The following DRC11 variants were observed in gnomAD, a reference collection of about 807,000 sequenced individuals.
DRC11 encodes the protein IQ and AAA domain-containing protein 1.
the DRC11 span, chr2:236,407,717 T>C: frequency 5.2e-5 from 14 of 269,578 alleles, no homozygotes; most frequent in African/African-American, 3.1e-4. Context: ...CCCCCTGTGA[T>C]CCTCTCTCTC....
chr2:236,422,784 C>T, the DRC11 span, among the ~76,000 whole-genome samples: 5 of 152,106 alleles, frequency 3.3e-5, no homozygotes, highest in Admixed American at 1.3e-4. Context: ...AGGCACCACA[C>T]TACCTGACTT....
the DRC11 span, among the ~76,000 whole-genome samples, chr2:236,404,133 A>C: frequency 6.7e-6 from 1 of 150,362 alleles, no homozygotes; most frequent in African/African-American, 2.5e-5. Context: ...CTGTCAGACA[A>C]CTTTTTTGAC....
chr2:236,488,329 A>T, the DRC11 span: 1 of 535,466 alleles, frequency 1.9e-6, no homozygotes, highest in African/African-American at 2.0e-5. Context: ...GAACCGCTGA[A>T]CACTGTTCAT....
the DRC11 span, among the ~76,000 whole-genome samples, chr2:236,329,320 T>C: frequency 1.3e-5 from 2 of 152,226 alleles, no homozygotes; most frequent in Non-Finnish European, 1.5e-5. Context: ...TGAGGGGCCA[T>C]TATCCGGCCT....
chr2:236,393,957 CTGA>C, the DRC11 span, among the ~76,000 whole-genome samples: 32 of 152,044 alleles, frequency 2.1e-4, no homozygotes, highest in African/African-American at 7.2e-4. This position sits in a 1 kb window ranked among gnomAD's most constrained non-coding sequence, Gnocchi z 4.7. Context: ...CTTCCTCACG[CTGA>C]TATGGTGATG....
At chr2:236,458,071 A>G in the DRC11 span, among the ~76,000 whole-genome samples, 1 of 152,160 alleles carries the variant, frequency 6.6e-6, no homozygotes, top group Non-Finnish European at 1.5e-5. Flanking sequence ...AACATGTCCA[A>G]CCACCAAAAT....
At chr2:236,391,052 A>C in the DRC11 span, 1 of 152,268 alleles carries the variant, frequency 6.6e-6, no homozygotes, top group East Asian at 1.9e-4. This position sits in a 1 kb window ranked among gnomAD's most constrained non-coding sequence, Gnocchi z 4.5. Context: ...TGCTCCACCC[A>C]GGTGCTGCAG....
chr2:236,389,019 T>C, the DRC11 span, among the ~76,000 whole-genome samples: 1 of 152,022 alleles, frequency 6.6e-6, no homozygotes, highest in South Asian at 2.1e-4. Flanking sequence ...GTCTGCCCGT[T>C]CTCAGATCTC....
chr2:236,380,669 G>T, the DRC11 span: 1 of 1,470,430 alleles, frequency 6.8e-7, no homozygotes, highest in Non-Finnish European at 9.3e-7. This position sits in a 1 kb window ranked among gnomAD's most constrained non-coding sequence, Gnocchi z 4.9. Context: ...CAACAATTTA[G>T]TCAAAACAAG....
At chr2:236,406,329 AG>A in the DRC11 span, among the ~76,000 whole-genome samples, 8 of 152,162 alleles carry the variant, frequency 5.3e-5, no homozygotes, top group African/African-American at 1.9e-4. This position sits in a 1 kb window ranked among gnomAD's most constrained non-coding sequence, Gnocchi z 4.7. Context: ...AAATGCATGG[AG>A]GTTTTGTTGA....
the DRC11 span, among the ~76,000 whole-genome samples, chr2:236,397,264 C>T: frequency 6.6e-6 from 1 of 152,226 alleles, no homozygotes; most frequent in African/African-American, 2.4e-5. This position sits in a 1 kb window ranked among gnomAD's most constrained non-coding sequence, Gnocchi z 5.0. Flanking sequence ...CATGGGACAG[C>T]AGGCTTCTGC....
the DRC11 span, among the ~76,000 whole-genome samples, chr2:236,382,196 A>G: frequency 6.6e-6 from 1 of 152,138 alleles, no homozygotes; most frequent in Non-Finnish European, 1.5e-5. Flanking sequence ...TACTTATTCA[A>G]AAGTGTCTCT....
chr2:236,474,802 C>CT, the DRC11 span, among the ~76,000 whole-genome samples: 1 of 151,922 alleles, frequency 6.6e-6, no homozygotes, highest in African/African-American at 2.4e-5. Flanking sequence ...TTTAATATTA[C>CT]TTTTTTTGTT....
the DRC11 span, chr2:236,324,035 C>G: frequency 2.6e-5 from 4 of 152,152 alleles, no homozygotes; most frequent in African/African-American, 9.7e-5. The surrounding 1 kb of genome is among the most constrained non-coding windows in gnomAD (Gnocchi z 5.7). Context: ...GATGTCCAGG[C>G]TTCAATATTA....
the DRC11 span, among the ~76,000 whole-genome samples, chr2:236,379,014 C>T: frequency 1.3e-5 from 2 of 152,170 alleles, no homozygotes; most frequent in Admixed American, 6.5e-5. Context: ...CACACTCCCC[C>T]GACTGTGTTT....
the DRC11 span, among the ~76,000 whole-genome samples, chr2:236,357,617 A>C: frequency 8.2e-6 from 1 of 121,904 alleles, no homozygotes; most frequent in East Asian, 2.3e-4. Flanking sequence ...ATATTTATAA[A>C]TATATAAATA....
chr2:236,348,762 C>T, the DRC11 span, among the ~76,000 whole-genome samples: 5 of 152,118 alleles, frequency 3.3e-5, no homozygotes, highest in African/African-American at 4.8e-5. The surrounding 1 kb of genome is among the most constrained non-coding windows in gnomAD (Gnocchi z 7.4). Context: ...GTCAGGAAGC[C>T]CCGCTCGGAA....
At chr2:236,455,689 G>A in the DRC11 span, among the ~76,000 whole-genome samples, 1 of 152,132 alleles carries the variant, frequency 6.6e-6, no homozygotes, top group Non-Finnish European at 1.5e-5. This position sits in a 1 kb window ranked among gnomAD's most constrained non-coding sequence, Gnocchi z 5.7. Context: ...GCCTTCGAAC[G>A]ACAAAGCTGA....
the DRC11 span, chr2:236,409,082 C>CCAT: frequency 2.0e-6 from 1 of 508,802 alleles, no homozygotes. Flanking sequence ...AGACATCACG[C>CCAT]CATCACATCT....
Sources: gnomAD v4.1 joint callset for allele counts (sites outside exome capture counted in the v4.1 genomes callset) on GRCh38, gnomAD v4.1.1 for gene constraint, Gnocchi (gnomAD v3.1) non-coding constraint, MANE v1.5 for transcripts, NCBI Gene and HGNC (gene_info 2026-07-23, HGNC 2026-07-21) for gene names.